Variants in SYT16 observed in about 807,000 individuals in gnomAD.
SYT16 encodes synaptotagmin-16.
A neutral mutation model predicts 61.4 loss-of-function variants in SYT16; 42 were observed. The observed-to-expected ratio is 0.68, with a 90% CI of 0.53 to 0.89. The LOEUF (loss-of-function observed/expected upper bound fraction) is 0.89. SYT16 is among the 40% of genes least tolerant of loss of function. The probability of loss-of-function intolerance (pLI) is 0.00; values close to 1 mark genes in which losing one functional copy is unlikely to be tolerated. For synonymous variants in SYT16, 314 were observed against 302.3 expected, an observed-to-expected ratio of 1.04 and a Z score of -0.40; for missense variants, 804 against 807.3, an observed-to-expected ratio of 1.00 and a Z score of 0.05.
chr14:61,990,982 A>G (rs757069871), intron 2 of SYT16, among the ~76,000 whole-genome samples: 11 of 152,224 alleles, frequency 7.2e-5, no homozygotes, highest in African/African-American at 4.8e-5. Context: ...TAGAATTCCA[A>G]TTAAACCAAG....
intron 1 of SYT16, among the ~76,000 whole-genome samples, chr14:61,964,561 C>T (rs1027504116): frequency 6.6e-6 from 1 of 152,176 alleles, no homozygotes; most frequent in African/African-American, 2.4e-5. Context: ...ATAGAATCCA[C>T]TCCTAGTGAA....
intron 1 of SYT16, among the ~76,000 whole-genome samples, chr14:61,821,195 T>C (rs1026847161): frequency 6.6e-6 from 1 of 152,094 alleles, no homozygotes; most frequent in Non-Finnish European, 1.5e-5. Context: ...CCCCTCTCCC[T>C]TAACCCCTAT....
rs1167297949 is a variant in SYT16 at position 62,104,325 on chromosome 14, G to A, written c.*3618G>A. On this transcript the variant is annotated 3_prime_UTR_variant, in exon 8 of 8. Coordinates refer to ENST00000683842, the MANE Select transcript of SYT16 (RefSeq NM_001367656.1). ...AAAGAAACAGGACTAGAACACGCAT[G>A]TGGTATCTCCTTTTACTTTTGAGGA... 2 of 152,180 alleles carry A rather than the reference G, an allele frequency of 1.3e-5. No homozygotes were observed. The highest frequency in any genetic ancestry group is 4.8e-5 in the African/African-American group (2 of 41,468). 9.4% of individuals were successfully genotyped at this position (152,180 alleles called of 1,614,324 possible). A position where few individuals can be genotyped will look rare whatever the true frequency, so the allele number is the denominator to read the frequency against.
intron 1 of SYT16, among the ~76,000 whole-genome samples, chr14:61,961,392 G>A (rs2140501679): frequency 6.6e-6 from 1 of 152,230 alleles, no homozygotes; most frequent in Middle Eastern, 3.4e-3. Context: ...CTAATATTCA[G>A]AATCTATAAG....
chr14:62,013,043 C>G (rs1214745196), intron 3 of SYT16, among the ~76,000 whole-genome samples: 3 of 152,252 alleles, frequency 2.0e-5, no homozygotes, highest in African/African-American at 7.2e-5. Flanking sequence ...ACATCCTTAA[C>G]TATATAGTAG....
At chr14:61,828,012 G>A (rs528473217) in intron 1 of SYT16, among the ~76,000 whole-genome samples, 2 of 152,304 alleles carry the variant, frequency 1.3e-5, no homozygotes, top group South Asian at 4.1e-4. Flanking sequence ...GTTAAAATGA[G>A]GTCATTAGAG....
intron 1 of SYT16, among the ~76,000 whole-genome samples, chr14:61,962,423 T>C (rs2051152062): frequency 6.6e-6 from 1 of 152,164 alleles, no homozygotes; most frequent in Non-Finnish European, 1.5e-5. Flanking sequence ...ATGTGGCTTT[T>C]CTCTTGATTC....
intron 1 of SYT16, among the ~76,000 whole-genome samples, chr14:61,882,486 C>T (rs2047735198): frequency 6.6e-6 from 1 of 152,110 alleles, no homozygotes; most frequent in Admixed American, 6.5e-5. Context: ...GAGAAACTAC[C>T]CTCATGATCC....
At chr14:62,067,720 G>C (rs898687159) in intron 3 of SYT16, among the ~76,000 whole-genome samples, 1 of 152,238 alleles carries the variant, frequency 6.6e-6, no homozygotes, top group East Asian at 1.9e-4. Flanking sequence ...TTAACAATAG[G>C]CTGGGGGCAT....
At chr14:61,910,328 T>A (rs2048881942) in intron 1 of SYT16, among the ~76,000 whole-genome samples, 1 of 152,100 alleles carries the variant, frequency 6.6e-6, no homozygotes, top group African/African-American at 2.4e-5. Context: ...AACCTCCGCC[T>A]CCCAGGTTCA....
In SYT16 at chr14:62,069,608, A is replaced by T; in HGVS notation, c.529A>T (p.Ser177Cys). The T allele has an allele frequency of 6.2e-7, 1 of 1,613,852 alleles. No individual in the cohort carries two copies. The highest frequency in any genetic ancestry group is 8.5e-7 in the Non-Finnish European group (1 of 1,179,818). Residue 177 changes from serine (S) to cysteine (C), a missense_variant, in exon 4 of 8, where the codon AGC becomes TGC. Ser to Cys is a moderately radical substitution (Grantham distance 112, BLOSUM62 -1). Transcript: ENST00000683842. ...ETVNGKKQVNSFGDDEELSTS... is the reference protein window; with the variant it reads ...ETVNGKKQVNCFGDDEELSTS... ...TGGCTCTTGTTTACTCCCAGTCAACAGCTTTGGGGATGACGAAGAGCTGTC... is the reference window on the plus strand; with the variant it reads ...TGGCTCTTGTTTACTCCCAGTCAACTGCTTTGGGGATGACGAAGAGCTGTC...
At chr14:62,063,094 T>C (rs1019528743) in intron 3 of SYT16, among the ~76,000 whole-genome samples, 1 of 152,170 alleles carries the variant, frequency 6.6e-6, no homozygotes, top group African/African-American at 2.4e-5. Flanking sequence ...TGTTAGCTCC[T>C]ACAGAGCACT....
chr14:62,099,015 AG>A (rs2057350553), intron 7 of SYT16, among the ~76,000 whole-genome samples: 1 of 152,110 alleles, frequency 6.6e-6, no homozygotes, highest in South Asian at 2.1e-4. Flanking sequence ...ATTGGGTTGG[AG>A]GAGGGGAGGA....
intron 1 of SYT16, among the ~76,000 whole-genome samples, chr14:61,893,271 C>T (rs2048204786): frequency 6.6e-6 from 1 of 152,224 alleles, no homozygotes; most frequent in Non-Finnish European, 1.5e-5. Flanking sequence ...GCAGCTGGTA[C>T]TAAACCAATA....
At chr14:62,018,281 C>CTCTTCTTCT (rs1271025523) in intron 3 of SYT16, among the ~76,000 whole-genome samples, 43 of 95,430 alleles carry the variant, frequency 4.5e-4, no homozygotes, top group East Asian at 1.0e-3. Flanking sequence ...TTGGGTCTTT[C>CTCTTCTTCT]TCTTCTTCTT....
At chr14:61,965,876 A>G (rs1013143561) in intron 1 of SYT16, among the ~76,000 whole-genome samples, 3 of 152,152 alleles carry the variant, frequency 2.0e-5, no homozygotes, top group African/African-American at 7.2e-5. Flanking sequence ...TCCAGGAAAA[A>G]TGAACAAAAG....
intron 1 of SYT16, among the ~76,000 whole-genome samples, chr14:61,849,522 G>C (rs1300592358): frequency 2.6e-5 from 4 of 152,160 alleles, no homozygotes; most frequent in Non-Finnish European, 1.5e-5. Context: ...ATTTCCCTCT[G>C]ATTAGGGCTC....
At chr14:62,063,127 G>T (rs558377645) in intron 3 of SYT16, among the ~76,000 whole-genome samples, 1 of 152,282 alleles carries the variant, frequency 6.6e-6, no homozygotes, top group Non-Finnish European at 1.5e-5. Flanking sequence ...TTGGGAAAAA[G>T]GATTGTAAGG....
At chr14:62,065,807 T>C (rs142039880) in intron 3 of SYT16, among the ~76,000 whole-genome samples, 24 of 152,294 alleles carry the variant, frequency 1.6e-4, no homozygotes, top group African/African-American at 5.8e-4. Flanking sequence ...CCTATATGCA[T>C]TGGTCCATCG....
Sources: gnomAD v4.1 joint callset for allele counts (sites outside exome capture counted in the v4.1 genomes callset) on GRCh38, gnomAD v4.1.1 for gene constraint, MANE v1.5 for transcripts, NCBI Gene and HGNC (gene_info 2026-07-23, HGNC 2026-07-21) for gene names.